UVRAG: variants seen among roughly 807,000 people sequenced by gnomAD.
The protein encoded by UVRAG is UV radiation resistance-associated gene protein.
Under a neutral mutation model 78.0 loss-of-function variants are expected in UVRAG, and 19 were observed. The ratio of observed to expected loss-of-function variants is 0.24; its 90% confidence interval spans 0.17 to 0.36. The LOEUF (loss-of-function observed/expected upper bound fraction) is 0.36. Ranked by LOEUF, UVRAG falls within the 10% of genes least tolerant of loss-of-function variation. The pLI is 1.00. For missense variants in UVRAG, 740 were observed against 853.8 expected (o/e 0.87, Z 1.66); for synonymous variants, 323 against 324.6 (o/e 1.00, Z 0.05).
intron 14 of UVRAG, among the ~76,000 whole-genome samples, chr11:76,139,733 GATT>G (rs1952671435): frequency 6.6e-6 from 1 of 152,072 alleles, no homozygotes; most frequent in Admixed American, 6.5e-5. Flanking sequence ...TCCATTAACT[GATT>G]ATTATTTATT....
chr11:75,884,558 T>C (rs892696793), intron 4 of UVRAG, among the ~76,000 whole-genome samples: 30 of 152,252 alleles, frequency 2.0e-4, no homozygotes, highest in African/African-American at 7.0e-4. Context: ...TTTTAGGTTT[T>C]ACATTTACAT....
intron 1 of UVRAG, among the ~76,000 whole-genome samples, chr11:75,831,793 A>G (rs1364259496): frequency 6.6e-6 from 1 of 152,172 alleles, no homozygotes; most frequent in African/African-American, 2.4e-5. Context: ...GTAAATTGAA[A>G]ATATCGCTAA....
At chr11:76,127,044 T>C (rs773485457) in intron 14 of UVRAG, among the ~76,000 whole-genome samples, 43 of 152,248 alleles carry the variant, frequency 2.8e-4, no homozygotes, top group South Asian at 8.3e-4. Context: ...TTCACTGTAA[T>C]ATACAAAGTG....
intron 14 of UVRAG, among the ~76,000 whole-genome samples, chr11:76,140,088 TCCCC>T (rs1565177299): frequency 1.5e-3 from 10 of 6,686 alleles, no homozygotes; most frequent in African/African-American, 7.1e-3. Flanking sequence ...CCTCCCCCTC[TCCCC>T]CTCCCTCCCT....
chr11:75,961,233 G>T (rs1485413141), intron 6 of UVRAG, among the ~76,000 whole-genome samples: 1 of 151,970 alleles, frequency 6.6e-6, no homozygotes, highest in African/African-American at 2.4e-5. Flanking sequence ...TCAGAGGCAG[G>T]CAGGCAAGTA....
chr11:75,820,527 G>A (rs1376608323), intron 1 of UVRAG, among the ~76,000 whole-genome samples: 4 of 151,824 alleles, frequency 2.6e-5, no homozygotes, highest in Non-Finnish European at 4.4e-5. Context: ...GCTAATTTTT[G>A]TATTTTTGGT....
intron 8 of UVRAG, among the ~76,000 whole-genome samples, chr11:75,991,946 C>G (rs1430945944): frequency 1.3e-5 from 2 of 152,032 alleles, no homozygotes; most frequent in Non-Finnish European, 2.9e-5. Context: ...GTATTAATTG[C>G]TCTTATATAT....
Position 75,852,010 on chromosome 11 carries a change from T to A in UVRAG, c.235+10T>A. On this transcript the variant is annotated intron_variant, in intron 2 of 14. Transcript: ENST00000356136. Reference sequence around the variant, plus strand: ...GAAAAGATATATAAAGGTAAGGGGATCTGTGGCCTTACTACCCACAGATTG... The same window carrying A: ...GAAAAGATATATAAAGGTAAGGGGAACTGTGGCCTTACTACCCACAGATTG... 1 of 1,537,580 alleles carries A rather than the reference T, an allele frequency of 6.5e-7. No homozygotes were observed. The highest frequency in any genetic ancestry group is 1.7e-4 in the Middle Eastern group (1 of 5,842).
chr11:75,893,176 C>CA (rs112986400), intron 5 of UVRAG, among the ~76,000 whole-genome samples: 1,476 of 136,692 alleles, frequency 0.011, 11 homozygotes, highest in African/African-American at 0.019. Flanking sequence ...GACTCCGTCT[C>CA]AAAAAAAAAA....
At chr11:75,883,388 GA>G (rs1310332580) in intron 4 of UVRAG, among the ~76,000 whole-genome samples, 132 of 108,628 alleles carry the variant, frequency 1.2e-3, no homozygotes, top group African/African-American at 2.9e-3. Flanking sequence ...AAAAAGAAAA[GA>G]AAAAAAAAAA....
At chr11:75,966,131 CT>C in intron 7 of UVRAG, among the ~76,000 whole-genome samples, 1 of 152,040 alleles carries the variant, frequency 6.6e-6, no homozygotes, top group East Asian at 1.9e-4. Flanking sequence ...ATGGTTTTTT[CT>C]TTATTCTCTT....
At chr11:75,975,093 A>G (rs1949209078) in intron 7 of UVRAG, among the ~76,000 whole-genome samples, 1 of 152,220 alleles carries the variant, frequency 6.6e-6, no homozygotes, top group Non-Finnish European at 1.5e-5. Context: ...AGCTTTTGAC[A>G]TATGGCTAGC....
At chr11:76,104,176 C>T (rs1483782069) in intron 13 of UVRAG, among the ~76,000 whole-genome samples, 1 of 152,150 alleles carries the variant, frequency 6.6e-6, no homozygotes, top group Non-Finnish European at 1.5e-5. Context: ...GTGGGAATTA[C>T]ACCACCTACC....
rs549607828 is a variant in UVRAG at position 75,817,046 on chromosome 11, T to C, written c.117+1522T>C. ...CAGGGAATTTCTGAATAGTGGGAGT[T>C]TGAGGGTAGTGGGGGTTTGGATTGT... On this transcript the variant is annotated intron_variant, in intron 1 of 14. Coordinates refer to ENST00000356136, the MANE Select transcript of UVRAG (RefSeq NM_003369.4). 9.7e-4 allele frequency among the ~76,000 whole-genome samples: 148 copies of C among 152,100 alleles called. 1 individual carries two copies. Among genetic ancestry groups the C allele is most frequent in the Non-Finnish European group, 1.9e-3 (128 of 67,966 alleles).
chr11:76,067,791 C>G (rs529809639), intron 13 of UVRAG, among the ~76,000 whole-genome samples: 8 of 151,904 alleles, frequency 5.3e-5, no homozygotes, highest in African/African-American at 1.9e-4. Flanking sequence ...TAAGACTGCA[C>G]TAAGGAAGAA....
chr11:76,115,479 T>C (rs961489966), intron 13 of UVRAG, among the ~76,000 whole-genome samples: 1 of 152,214 alleles, frequency 6.6e-6, no homozygotes, highest in African/African-American at 2.4e-5. Context: ...TACCCTTGTT[T>C]ATACAAAGGG....
Position 76,007,586 on chromosome 11 carries a change from C to T in UVRAG, c.964C>T (p.Leu322Phe), listed in dbSNP as rs767881776. Residue 322 changes from leucine (L) to phenylalanine (F), a missense_variant, in exon 10 of 15, where the codon CTC (leucine) becomes TTC (phenylalanine). Coordinates refer to ENST00000356136, the MANE Select transcript of UVRAG (RefSeq NM_003369.4). Reference protein sequence around the residue: ...AQLTIRCRQLLSELSYIYPID... With the variant: ...AQLTIRCRQLFSELSYIYPID... ...GTTGACAATTCGTTGCAGGCAGTTA[C>T]TCTCTGAGCTTTCCTACATTTACCC... 4.8e-5 allele frequency: 78 copies of T among 1,613,780 alleles called. No individual in the cohort carries two copies. The highest frequency in any genetic ancestry group is 6.4e-5 in the Non-Finnish European group (76 of 1,179,968).
chr11:75,924,375 T>G (rs902422340), intron 6 of UVRAG, among the ~76,000 whole-genome samples: 9 of 152,028 alleles, frequency 5.9e-5, no homozygotes, highest in African/African-American at 2.2e-4. Flanking sequence ...TTGAAAGCAT[T>G]GTGTTTTTTT....
intron 7 of UVRAG, among the ~76,000 whole-genome samples, chr11:75,962,378 G>T (rs1948926353): frequency 6.6e-6 from 1 of 152,094 alleles, no homozygotes; most frequent in Non-Finnish European, 1.5e-5. Context: ...TTGCCTTGAA[G>T]ATTTGCCCAA....
Sources: gnomAD v4.1 joint callset for allele counts (sites outside exome capture counted in the v4.1 genomes callset) on GRCh38, gnomAD v4.1.1 for gene constraint, MANE v1.5 for transcripts, NCBI Gene and HGNC (gene_info 2026-07-23, HGNC 2026-07-21) for gene names.